DOCK3: variants seen among roughly 807,000 people sequenced by gnomAD.
DOCK3 encodes the protein dedicator of cytokinesis protein 3.
A neutral mutation model predicts 265.6 loss-of-function variants in DOCK3; 60 were observed. That is an observed-to-expected ratio of 0.23 (90% CI 0.18 to 0.28). The LOEUF is 0.28. Ranked by LOEUF, DOCK3 falls within the 10% of genes least tolerant of loss-of-function variation. The probability of loss-of-function intolerance (pLI) is 1.00; values close to 1 mark genes in which losing one functional copy is unlikely to be tolerated. For synonymous variants in DOCK3, 881 were observed against 938.0 expected (o/e 0.94, Z 1.11); for missense variants, 1,981 against 2,594.3 (o/e 0.76, Z 5.14).
chr3:50,824,293 A>G (rs1038526709), intron 2 of DOCK3, among the ~76,000 whole-genome samples: 1 of 152,230 alleles, frequency 6.6e-6, no homozygotes, highest in Non-Finnish European at 1.5e-5. Context: ...CGTTTCATTC[A>G]TGGGGAATTA....
In DOCK3 at chr3:50,747,796, G is replaced by A. The variant is rs537399283; in HGVS notation, c.38-30879G>A. 3.3e-5 allele frequency among the ~76,000 whole-genome samples: 5 copies of A among 151,994 alleles called. No individual in the cohort carries two copies. In the South Asian group the frequency reaches 8.3e-4, roughly 25 times the overall value. On this transcript the variant is annotated intron_variant, in intron 1 of 52. Transcript: ENST00000266037. ...GGAGAATCTCTTGAACCTGGGAGGC[G>A]GAGGTTGCAGTGAGCCAAGATTGCG... is the stretch of plus-strand genomic sequence containing the variant.
Position 51,220,668 on chromosome 3 carries a change from A to AT in DOCK3, c.1253-4981_1253-4980insT, listed in dbSNP as rs1204358158. Among the ~76,000 whole-genome samples the AT allele has an allele frequency of 2.4e-3, 262 of 109,350 alleles. 2 individuals carry two copies. Among genetic ancestry groups the AT allele is most frequent in the African/African-American group, 5.7e-3 (155 of 27,080 alleles). 71.7% of individuals were successfully genotyped at this position (109,350 alleles called of 152,430 possible). A position where few individuals can be genotyped will look rare whatever the true frequency, so the allele number is the denominator to read the frequency against. Reference sequence around the variant, plus strand: ...CAAGACTCCATCTCAAAAAAAAAAAAAAATATATATATATATATATGTGTG... The same window carrying AT: ...CAAGACTCCATCTCAAAAAAAAAAAATAAATATATATATATATATATGTGTG... On this transcript the variant is annotated intron_variant, in intron 14 of 52. Transcript: ENST00000266037.
intron 32 of DOCK3, among the ~76,000 whole-genome samples, chr3:51,318,017 T>G (rs1253402960): frequency 2.0e-5 from 3 of 152,180 alleles, no homozygotes; most frequent in African/African-American, 7.2e-5. Flanking sequence ...TTAAATAAAT[T>G]TAGAATCAGC....
At chr3:51,024,750 T>C (rs1185755328) in intron 5 of DOCK3, among the ~76,000 whole-genome samples, 2 of 152,188 alleles carry the variant, frequency 1.3e-5, no homozygotes, top group African/African-American at 2.4e-5. Context: ...GTTCCCTGAA[T>C]TGGGGAATGT....
intron 5 of DOCK3, among the ~76,000 whole-genome samples, chr3:50,989,426 C>T (rs1327939674): frequency 6.6e-6 from 1 of 152,134 alleles, no homozygotes; most frequent in Non-Finnish European, 1.5e-5. Context: ...TGAGCGGGAA[C>T]ATGGCTGCAA....
intron 27 of DOCK3, among the ~76,000 whole-genome samples, chr3:51,282,575 C>A (rs2081183130): frequency 6.6e-6 from 1 of 151,342 alleles, no homozygotes; most frequent in Non-Finnish European, 1.5e-5. Flanking sequence ...ACCGCCTGAA[C>A]CTGGTAGGTG....
At chr3:50,694,042 G>A (rs2035443856) in intron 1 of DOCK3, among the ~76,000 whole-genome samples, 1 of 151,954 alleles carries the variant, frequency 6.6e-6, no homozygotes, top group Non-Finnish European at 1.5e-5. Context: ...TCTGAGGCAG[G>A]AGGATCACCT....
chr3:51,159,212 C>T, intron 10 of DOCK3, 32 bp from the exon 11 acceptor site: 9 of 1,601,204 alleles, frequency 5.6e-6, no homozygotes, highest in Non-Finnish European at 7.7e-6. Context: ...TCTGTGTATT[C>T]CTTGCCTGAA....
At chr3:51,321,277 A>G (rs2083708041) in intron 32 of DOCK3, among the ~76,000 whole-genome samples, 1 of 152,228 alleles carries the variant, frequency 6.6e-6, no homozygotes, top group Admixed American at 6.5e-5. Context: ...AAGGAATAGC[A>G]TCAACATCAA....
chr3:50,916,149 C>G (rs538236686), intron 4 of DOCK3, among the ~76,000 whole-genome samples: 3 of 152,196 alleles, frequency 2.0e-5, no homozygotes, highest in African/African-American at 7.2e-5. Flanking sequence ...TATGTGGACT[C>G]CAGGCAGCTC....
At chr3:51,249,130 C>CG (rs2079015486) in intron 22 of DOCK3, among the ~76,000 whole-genome samples, 1 of 123,848 alleles carries the variant, frequency 8.1e-6, no homozygotes, top group Admixed American at 7.9e-5. Flanking sequence ...CCAGGCCAGC[C>CG]GCCCCGTCCG....
intron 5 of DOCK3, among the ~76,000 whole-genome samples, chr3:51,007,563 T>C (rs1201177119): frequency 1.3e-5 from 2 of 152,248 alleles, no homozygotes; most frequent in Non-Finnish European, 2.9e-5. Flanking sequence ...TCTCCCATTC[T>C]GTAGGTTGCC....
chr3:51,149,427 T>A (rs986644172), intron 10 of DOCK3, among the ~76,000 whole-genome samples: 6 of 152,168 alleles, frequency 3.9e-5, no homozygotes, highest in Non-Finnish European at 5.9e-5. Context: ...CAGTTTTCAA[T>A]GGGAATGCTT....
At chr3:50,818,314 C>T (rs2044208109) in intron 2 of DOCK3, among the ~76,000 whole-genome samples, 1 of 152,218 alleles carries the variant, frequency 6.6e-6, no homozygotes, top group Admixed American at 6.5e-5. Context: ...CTAATATTTT[C>T]TGGGGTTTTG....
chr3:51,049,041 T>A (rs577573923), intron 5 of DOCK3, among the ~76,000 whole-genome samples: 48 of 152,138 alleles, frequency 3.2e-4, no homozygotes, highest in Non-Finnish European at 6.3e-4. Context: ...AAAAGGTTAC[T>A]GTAGGCTAGG....
At chr3:50,881,031 T>A (rs2047993506) in intron 3 of DOCK3, among the ~76,000 whole-genome samples, 1 of 152,176 alleles carries the variant, frequency 6.6e-6, no homozygotes. Context: ...AAAATCCACA[T>A]GATTATCTCA....
intron 30 of DOCK3, 114 bp from the exon 31 acceptor site, chr3:51,312,730 G>T (rs772680218): frequency 1.6e-6 from 2 of 1,268,016 alleles, no homozygotes; most frequent in African/African-American, 3.0e-5. Context: ...AAGGCTTAGC[G>T]CATTGGGAAG....
intron 1 of DOCK3, among the ~76,000 whole-genome samples, chr3:50,738,420 A>T (rs932835827): frequency 6.6e-6 from 1 of 152,180 alleles, no homozygotes; most frequent in African/African-American, 2.4e-5. Context: ...ATGGGAGCTG[A>T]CCTAGAACCA....
chr3:51,091,312 T>A (rs1325897160), intron 9 of DOCK3, among the ~76,000 whole-genome samples: 1 of 152,044 alleles, frequency 6.6e-6, no homozygotes, highest in Non-Finnish European at 1.5e-5. Context: ...TGTGTGAGAG[T>A]GTGTATGTGT....
Sources: allele counts gnomAD v4.1 joint callset (sites outside exome capture counted in the v4.1 genomes callset), GRCh38; gene constraint gnomAD v4.1.1; transcripts MANE v1.5; gene names NCBI Gene and HGNC (gene_info 2026-07-23, HGNC 2026-07-21).